Variants in CELF4 observed in about 807,000 individuals in gnomAD.
CELF4 encodes CUGBP Elav-like family member 4.
Under a neutral mutation model 59.9 loss-of-function variants are expected in CELF4, and 18 were observed. That is an observed-to-expected ratio of 0.30 (90% CI 0.21 to 0.45). CELF4 has a LOEUF of 0.45. Among genes scored for constraint, CELF4 ranks in the 20% least tolerant of loss-of-function variants. The pLI, the probability that CELF4 is intolerant of heterozygous loss-of-function variation, is 1.00. For missense variants in CELF4, 456 were observed against 689.0 expected (o/e 0.66, Z 3.79); for synonymous variants, 261 against 267.1 (o/e 0.98, Z 0.22).
chr18:37,444,255 C>T (rs1482622863), intron 2 of CELF4, among the ~76,000 whole-genome samples: 1 of 152,042 alleles, frequency 6.6e-6, no homozygotes, highest in African/African-American at 2.4e-5. Context: ...TGTATAGACC[C>T]CCTGTGTGGG....
chr18:37,518,468 C>G (rs1054427488), intron 1 of CELF4, among the ~76,000 whole-genome samples: 2 of 152,146 alleles, frequency 1.3e-5, no homozygotes, highest in East Asian at 1.9e-4. Flanking sequence ...ATTGGTGACA[C>G]AGAGATAAAC....
At chr18:37,535,052 G>C (rs1300996915) in intron 1 of CELF4, among the ~76,000 whole-genome samples, 1 of 152,216 alleles carries the variant, frequency 6.6e-6, no homozygotes, top group African/African-American at 2.4e-5. Flanking sequence ...CACCCTTGAA[G>C]CTGTCTGAAG....
At chr18:37,251,034 C>T (rs2065164942) in intron 12 of CELF4, among the ~76,000 whole-genome samples, 1 of 152,064 alleles carries the variant, frequency 6.6e-6, no homozygotes, top group African/African-American at 2.4e-5. Flanking sequence ...GGTGGGGCTT[C>T]TCATTCTCCT....
intron 2 of CELF4, among the ~76,000 whole-genome samples, chr18:37,379,082 T>C (rs1387453060): frequency 6.6e-6 from 1 of 152,232 alleles, no homozygotes; most frequent in Non-Finnish European, 1.5e-5. Flanking sequence ...GGCTAGGAGA[T>C]GAGCCTCCCT....
intron 1 of CELF4, among the ~76,000 whole-genome samples, chr18:37,520,441 A>G (rs2099956018): frequency 1.3e-5 from 2 of 152,160 alleles, no homozygotes; most frequent in South Asian, 4.1e-4. Context: ...TTTGCACTAT[A>G]GCTGCTCCAT....
intron 2 of CELF4, among the ~76,000 whole-genome samples, chr18:37,327,738 T>C (rs911976494): frequency 6.6e-6 from 1 of 152,196 alleles, no homozygotes; most frequent in African/African-American, 2.4e-5. Context: ...TCACTGCCCA[T>C]GGGATCATGG....
At chr18:37,456,748 TG>T in intron 2 of CELF4, among the ~76,000 whole-genome samples, 1 of 152,276 alleles carries the variant, frequency 6.6e-6, no homozygotes, top group South Asian at 2.1e-4. Flanking sequence ...ATGCTCAATC[TG>T]GGGCCTATTC....
chr18:37,274,768 G>A lies in CELF4; in HGVS notation c.657+37C>T, dbSNP rs766762883. ...GCGGGTGCTGGGGTCTCGGCCCGCC[G>A]CTGCCCTCGCCCCCGCCCCAAGGGG... On this transcript the variant is annotated intron_variant, in intron 5 of 12. Coordinates refer to ENST00000420428, the MANE Select transcript of CELF4 (RefSeq NM_020180.4). The A allele has an allele frequency of 2.6e-5, 40 of 1,537,966 alleles. No homozygotes were observed. In the East Asian group the frequency reaches 7.1e-4, roughly 27 times the overall value.
At chr18:37,547,637 G>C (rs1193815691) in intron 1 of CELF4, among the ~76,000 whole-genome samples, 1 of 152,188 alleles carries the variant, frequency 6.6e-6, no homozygotes, top group Non-Finnish European at 1.5e-5. Context: ...AATGCCTTCT[G>C]TTTATTTGCT....
At chr18:37,378,859 G>C (rs535700825) in intron 2 of CELF4, among the ~76,000 whole-genome samples, 111 of 152,278 alleles carry the variant, frequency 7.3e-4, no homozygotes, top group Non-Finnish European at 1.4e-3. Flanking sequence ...AGCATGGGAG[G>C]GGGCAGGAAG....
intron 3 of CELF4, among the ~76,000 whole-genome samples, chr18:37,287,015 C>A (rs1306964901): frequency 6.6e-6 from 1 of 152,156 alleles, no homozygotes; most frequent in Non-Finnish European, 1.5e-5. Flanking sequence ...CTCAGGACAG[C>A]CCTTCAGGGA....
intron 1 of CELF4, among the ~76,000 whole-genome samples, chr18:37,535,082 C>T (rs747147644): frequency 6.6e-6 from 1 of 152,200 alleles, no homozygotes; most frequent in African/African-American, 2.4e-5. Context: ...GTCCTAGGCA[C>T]CTGGCTGCCG....
intron 1 of CELF4, among the ~76,000 whole-genome samples, chr18:37,525,614 G>A (rs2099963012): frequency 6.6e-6 from 1 of 151,610 alleles, no homozygotes; most frequent in South Asian, 2.1e-4. Context: ...AGGGAGGGGT[G>A]GGGAGGGGCG....
At chr18:37,426,589 G>A (rs1003751323) in intron 2 of CELF4, among the ~76,000 whole-genome samples, 1 of 152,332 alleles carries the variant, frequency 6.6e-6, no homozygotes, top group African/African-American at 2.4e-5. Flanking sequence ...TTTCCTAAGT[G>A]GGGTGGGCGC....
rs150640002 is a variant in CELF4, at chr18:37,360,345, C to A, written c.370-38464G>T. On this transcript the variant is annotated intron_variant, in intron 2 of 12. Transcript: ENST00000420428. ...TATCACTGCTGGGCCAGGGACCTCCCCTGACACTGGCACCCACCGGCTGCA... is the reference window on the plus strand; with the variant it reads ...TATCACTGCTGGGCCAGGGACCTCCACTGACACTGGCACCCACCGGCTGCA... Among the ~76,000 whole-genome samples, 498 of 152,186 alleles carry A rather than the reference C, an allele frequency of 3.3e-3. 2 individuals carry two copies. Among genetic ancestry groups the A allele is most frequent in the African/African-American group, 0.011 (472 of 41,512 alleles).
intron 1 of CELF4, among the ~76,000 whole-genome samples, chr18:37,547,520 A>C (rs2099981858): frequency 6.6e-6 from 1 of 152,198 alleles, no homozygotes; most frequent in Non-Finnish European, 1.5e-5. Context: ...AGGCCTGCCC[A>C]AAATTTCTCC....
chr18:37,413,525 G>A (rs1189225352), intron 2 of CELF4, among the ~76,000 whole-genome samples: 1 of 152,156 alleles, frequency 6.6e-6, no homozygotes, highest in African/African-American at 2.4e-5. Flanking sequence ...ACTCCTCCAT[G>A]CCCTCCACTC....
chr18:37,491,308 C>G (rs953982191), intron 1 of CELF4, among the ~76,000 whole-genome samples: 1 of 151,138 alleles, frequency 6.6e-6, no homozygotes, highest in African/African-American at 2.5e-5. Flanking sequence ...CCAGCAGAGA[C>G]CTGCCTGTCC....
At chr18:37,470,885 T>TGAGAGAGAGA (rs1569569558) in intron 2 of CELF4, among the ~76,000 whole-genome samples, 2 of 79,602 alleles carry the variant, frequency 2.5e-5, no homozygotes, top group African/African-American at 4.8e-5. Context: ...TGTGTGTGTG[T>TGAGAGAGAGA]GTGACAGAGA....
Sources: allele counts gnomAD v4.1 joint callset (sites outside exome capture counted in the v4.1 genomes callset), GRCh38; gene constraint gnomAD v4.1.1; transcripts MANE v1.5; gene names NCBI Gene and HGNC (gene_info 2026-07-23, HGNC 2026-07-21).